FHIP1B: variants seen among roughly 807,000 people sequenced by gnomAD.
FHIP1B encodes the protein FHF complex subunit HOOK interacting protein 1B.
A neutral mutation model predicts 82.2 loss-of-function variants in FHIP1B; 28 were observed. That is an observed-to-expected ratio of 0.34 (90% CI 0.25 to 0.47). The LOEUF (loss-of-function observed/expected upper bound fraction) is 0.47. Ranked by LOEUF, FHIP1B falls within the 20% of genes least tolerant of loss-of-function variation. The pLI, the probability that FHIP1B is intolerant of heterozygous loss-of-function variation, is 1.00. For synonymous variants in FHIP1B, 585 were observed against 516.1 expected (o/e 1.13, Z -1.81); for missense variants, 1,110 against 1,262.6 (o/e 0.88, Z 1.83).
At chr11:6,231,519 G>A (rs1415466149) in intron 1 of FHIP1B, among the ~76,000 whole-genome samples, 1 of 140,338 alleles carries the variant, frequency 7.1e-6, no homozygotes, top group Non-Finnish European at 1.5e-5. Context: ...CACCCAGGCT[G>A]AAGTGCAGTG....
At chr11:6,233,389 T>C (rs907063969) in intron 1 of FHIP1B, among the ~76,000 whole-genome samples, 1 of 152,180 alleles carries the variant, frequency 6.6e-6, no homozygotes, top group Admixed American at 6.5e-5. Flanking sequence ...AAACCAACTT[T>C]CCAGAATTTC....
chr11:6,229,134 T>C (rs1056623545), intron 1 of FHIP1B, among the ~76,000 whole-genome samples: 47 of 152,228 alleles, frequency 3.1e-4, no homozygotes, highest in African/African-American at 1.1e-3. Context: ...CGTATCTCAT[T>C]TTAAAGACTG....
At chr11:6,234,399 C>T (rs1847787443) in intron 1 of FHIP1B, 145 bp downstream of exon 1, 1 of 153,146 alleles carries the variant, frequency 6.5e-6, no homozygotes. Flanking sequence ...AGCTCTCACC[C>T]TCCTTCCCTA....
In FHIP1B at chr11:6,220,339, C is replaced by T. The variant is rs1039633539; in HGVS notation, c.1192-1289G>A. On this transcript the variant is annotated intron_variant, in intron 6 of 11. Transcript: ENST00000449352. ...AAATAAGGAAATGGATCCTGTCCTA[C>T]GGCCTCCTGAAAGGAACACAGACCC... 7.2e-5 allele frequency among the ~76,000 whole-genome samples: 11 copies of T among 152,262 alleles called. No homozygotes were observed. In the East Asian group the frequency reaches 7.7e-4, roughly 11 times the overall value.
At chr11:6,214,379 G>T (rs751637423) in intron 11 of FHIP1B, 32 bp downstream of exon 11, 42 of 1,571,640 alleles carry the variant, frequency 2.7e-5, no homozygotes, top group Non-Finnish European at 3.0e-5. Flanking sequence ...ATCTAGGGAG[G>T]GCAGGTACGG....
intron 6 of FHIP1B, among the ~76,000 whole-genome samples, chr11:6,221,435 G>A (rs535065270): frequency 6.6e-6 from 1 of 152,104 alleles, no homozygotes; most frequent in South Asian, 2.1e-4. Context: ...TCCTAGAGGG[G>A]CTTAAGTCTT....
intron 1 of FHIP1B, among the ~76,000 whole-genome samples, chr11:6,230,211 G>A (rs1047707959): frequency 6.6e-6 from 1 of 152,174 alleles, no homozygotes; most frequent in Non-Finnish European, 1.5e-5. Flanking sequence ...CCTTTGCCCT[G>A]GGAGAGGCAA....
At chr11:6,222,719 G>A in intron 5 of FHIP1B, 92 bp downstream of exon 5, 5 of 1,554,244 alleles carry the variant, frequency 3.2e-6, no homozygotes, top group Non-Finnish European at 3.6e-6. Flanking sequence ...AAAGGGAGGA[G>A]TACTCTACCC....
intron 1 of FHIP1B, among the ~76,000 whole-genome samples, chr11:6,229,701 A>G (rs964155646): frequency 1.3e-5 from 2 of 152,184 alleles, no homozygotes; most frequent in African/African-American, 4.8e-5. Context: ...GAACCAAGGA[A>G]GATTAGCCTC....
intron 6 of FHIP1B, among the ~76,000 whole-genome samples, chr11:6,219,559 C>T (rs866502451): frequency 2.6e-5 from 4 of 152,294 alleles, no homozygotes; most frequent in Middle Eastern, 3.4e-3. Context: ...TGAGTCACCT[C>T]TCTAACACTA....
chr11:6,224,380 T>G lies in FHIP1B; in HGVS notation c.137A>C (p.Gln46Pro). Residue 46 changes from glutamine to proline, a missense_variant and splice_region_variant, in exon 2 of 12, where the codon CAG (glutamine) becomes CCG (proline). Transcript: ENST00000449352. Reference sequence around the variant, plus strand: ...GCCCTTTGCCATACAGTCTCCTACCTGGGACCAGTGATTCTTGAAGACCAT... The same window carrying G: ...GCCCTTTGCCATACAGTCTCCTACCGGGGACCAGTGATTCTTGAAGACCAT... ...CLMVFKNHWSQVVRILERQGP... is the reference protein window; with the variant it reads ...CLMVFKNHWSPVVRILERQGP... 6.2e-7 allele frequency: 1 copy of G among 1,614,230 alleles called. No individual in the cohort carries two copies. The highest frequency in any genetic ancestry group is 8.5e-7 in the Non-Finnish European group (1 of 1,180,036).
chr11:6,216,866 G>A (rs781203560), intron 9 of FHIP1B: 2 of 588,296 alleles, frequency 3.4e-6, no homozygotes, highest in Non-Finnish European at 6.0e-6. Flanking sequence ...GGGGAGGAAG[G>A]AGCTGAGTAG....
At chr11:6,231,307 G>T (rs904758699) in intron 1 of FHIP1B, among the ~76,000 whole-genome samples, 10 of 151,844 alleles carry the variant, frequency 6.6e-5, no homozygotes, top group African/African-American at 2.2e-4. Flanking sequence ...GGGATATGAG[G>T]GCAAAGTCGG....
chr11:6,233,348 A>C (rs1410641035), intron 1 of FHIP1B, among the ~76,000 whole-genome samples: 1 of 152,226 alleles, frequency 6.6e-6, no homozygotes, highest in Non-Finnish European at 1.5e-5. Context: ...AAAATTTAGT[A>C]GTGTGAAAGT....
intron 6 of FHIP1B, 50 bp downstream of exon 6, chr11:6,222,392 G>A: frequency 6.2e-7 from 1 of 1,600,892 alleles, no homozygotes. Flanking sequence ...AAAGGTCAGA[G>A]AAAGAAGATG....
At chr11:6,227,113 G>A (rs1008587750) in intron 1 of FHIP1B, among the ~76,000 whole-genome samples, 21 of 152,190 alleles carry the variant, frequency 1.4e-4, no homozygotes, top group African/African-American at 4.6e-4. Flanking sequence ...TGAAATCCCA[G>A]TGCAAACATA....
chr11:6,226,501 T>C (rs1482054805), intron 1 of FHIP1B, among the ~76,000 whole-genome samples: 1 of 152,244 alleles, frequency 6.6e-6, no homozygotes, highest in Non-Finnish European at 1.5e-5. Context: ...CCTGGGCTAT[T>C]AGAGGGTTCC....
rs867444634 is a variant in FHIP1B at position 6,216,766 on chromosome 11, T to A, written c.2215+605A>T. The A allele has an allele frequency of 1.4e-4, 63 of 446,916 alleles. 1 individual carries two copies. The highest frequency in any genetic ancestry group is 1.0e-3 in the South Asian group (40 of 38,972). The allele number at this position is 446,916 out of a possible 1,614,324, so 27.7% of individuals were successfully genotyped here. A position where few individuals can be genotyped will look rare whatever the true frequency, so the allele number is the denominator to read the frequency against. ...ATTGCACTCTATCTGCTTAAGACAG[T>A]CTTAGTGCTAGCAGACAGTCACAGC... is the stretch of plus-strand genomic sequence containing the variant. On this transcript the variant is annotated intron_variant, in intron 9 of 11. Coordinates refer to ENST00000449352, the MANE Select transcript of FHIP1B (RefSeq NM_001098794.2).
chr11:6,217,065 T>C (rs1936771596), intron 9 of FHIP1B: 2 of 702,172 alleles, frequency 2.8e-6, no homozygotes, highest in African/African-American at 1.7e-5. Context: ...AAACACAGAA[T>C]ATCCTAATTA....
Sources: gnomAD v4.1 joint callset for allele counts (sites outside exome capture counted in the v4.1 genomes callset) on GRCh38, gnomAD v4.1.1 for gene constraint, MANE v1.5 for transcripts, NCBI Gene and HGNC (gene_info 2026-07-23, HGNC 2026-07-21) for gene names.